Variants in DACH1 observed in about 807,000 individuals in gnomAD.
The protein encoded by DACH1 is dachshund family transcription factor 1.
DACH1 carries 12 observed loss-of-function variants against 54.2 expected under a neutral mutation model. The observed-to-expected ratio is 0.22, with a 90% CI of 0.14 to 0.36. DACH1 has a LOEUF of 0.36. Ranked by LOEUF, DACH1 falls within the 10% of genes least tolerant of loss-of-function variation. DACH1 has a pLI of 1.00. For missense variants in DACH1, 805 were observed against 929.8 expected (o/e 0.87, Z 1.75); for synonymous variants, 386 against 366.2 (o/e 1.05, Z -0.62).
chr13:71,568,694 T>C lies in DACH1; in HGVS notation c.1299+4146A>G, dbSNP rs1031909256. On this transcript the variant is annotated intron_variant, in intron 4 of 10. Transcript: ENST00000613252. ...TAGGCATCCTACAAAAGCTTAGATA[T>C]ATGAAAATGAATAAGAAGGATGTGG... 3.9e-5 allele frequency among the ~76,000 whole-genome samples: 6 copies of C among 152,164 alleles called. No individual in the cohort carries two copies. In the East Asian group the frequency reaches 9.7e-4, roughly 24 times the overall value.
intron 1 of DACH1, among the ~76,000 whole-genome samples, chr13:71,767,365 G>A (rs1885681481): frequency 6.6e-6 from 1 of 151,738 alleles, no homozygotes; most frequent in Non-Finnish European, 1.5e-5. Flanking sequence ...ATTTGGTGGG[G>A]GAATAAAATA....
intron 1 of DACH1, among the ~76,000 whole-genome samples, chr13:71,705,868 C>T (rs1281825062): frequency 6.6e-6 from 1 of 151,752 alleles, no homozygotes; most frequent in Non-Finnish European, 1.5e-5. Context: ...TGTAAGTGTG[C>T]TTCTCTATTC....
intron 6 of DACH1, among the ~76,000 whole-genome samples, chr13:71,522,347 A>G (rs1366844843): frequency 3.9e-5 from 6 of 151,992 alleles, no homozygotes; most frequent in African/African-American, 7.2e-5. Context: ...CTTGTGGATT[A>G]TAAATCAAAA....
At chr13:71,795,522 C>T (rs777828301) in intron 1 of DACH1, among the ~76,000 whole-genome samples, 3 of 152,250 alleles carry the variant, frequency 2.0e-5, no homozygotes, top group Non-Finnish European at 2.9e-5. Flanking sequence ...TCATTTTACA[C>T]TGAAATCATT....
At chr13:71,448,115 C>T (rs117679444) in intron 10 of DACH1, among the ~76,000 whole-genome samples, 2 of 152,150 alleles carry the variant, frequency 1.3e-5, no homozygotes, top group Non-Finnish European at 2.9e-5. Context: ...AACAGGTCAA[C>T]TATTTGTTCA....
intron 2 of DACH1, among the ~76,000 whole-genome samples, chr13:71,671,564 T>G (rs12584368): frequency 2.8e-4 from 42 of 152,096 alleles, no homozygotes; most frequent in African/African-American, 7.5e-4. Flanking sequence ...GGGAACAAGG[T>G]GGTCTTCCCC....
At chr13:71,599,291 T>C (rs534416388) in intron 3 of DACH1, among the ~76,000 whole-genome samples, 1 of 152,250 alleles carries the variant, frequency 6.6e-6, no homozygotes, top group South Asian at 2.1e-4. Context: ...AAGGCAAGTT[T>C]TAGCTAAATC....
intron 6 of DACH1, among the ~76,000 whole-genome samples, chr13:71,499,666 GT>G (rs1360287528): frequency 6.6e-6 from 1 of 152,088 alleles, no homozygotes; most frequent in Non-Finnish European, 1.5e-5. Context: ...AACAAGGTTA[GT>G]TCTTTCTCGT....
intron 1 of DACH1, among the ~76,000 whole-genome samples, chr13:71,744,218 A>G (rs756472058): frequency 3.3e-5 from 5 of 152,234 alleles, no homozygotes; most frequent in Non-Finnish European, 7.3e-5. Context: ...TGACTACCTC[A>G]TAACATATTG....
chr13:71,692,552 C>CTCT (rs1413949608), intron 1 of DACH1, among the ~76,000 whole-genome samples: 1 of 95,836 alleles, frequency 1.0e-5, no homozygotes, highest in Admixed American at 1.7e-4. Flanking sequence ...CGGAGTCTTG[C>CTCT]TCTGTCACCA....
At position 71,519,100 on chromosome 13, in the gene DACH1, A is replaced by G. The variant is rs537222309; in HGVS notation, c.1571-29952T>C. Among the ~76,000 whole-genome samples the G allele has an allele frequency of 7.5e-4, 114 of 151,876 alleles. 1 individual carries two copies. Among genetic ancestry groups the G allele is most frequent in the African/African-American group, 2.6e-3 (106 of 41,496 alleles). ...GTCCAATAATCCCAAAATATTTACT[A>G]TCTCTCCCTTTATAGAAAAAAATTG... is the stretch of plus-strand genomic sequence containing the variant. On this transcript the variant is annotated intron_variant, in intron 6 of 10. Coordinates refer to ENST00000613252, the MANE Select transcript of DACH1 (RefSeq NM_080759.6).
intron 1 of DACH1, among the ~76,000 whole-genome samples, chr13:71,853,349 T>A (rs985635639): frequency 6.6e-6 from 1 of 152,210 alleles, no homozygotes; most frequent in African/African-American, 2.4e-5. Context: ...TTTACTTTAA[T>A]GCATTGTTAT....
At chr13:71,697,586 G>A (rs1480054749) in intron 1 of DACH1, among the ~76,000 whole-genome samples, 1 of 152,118 alleles carries the variant, frequency 6.6e-6, no homozygotes, top group African/African-American at 2.4e-5. Flanking sequence ...GCCCAAATAT[G>A]TAAATTTTTA....
intron 2 of DACH1, among the ~76,000 whole-genome samples, chr13:71,680,266 G>A (rs1880819522): frequency 6.6e-6 from 1 of 152,072 alleles, no homozygotes; most frequent in South Asian, 2.1e-4. Flanking sequence ...CATGAAATTA[G>A]TATAAAAATA....
At chr13:71,634,097 C>G (rs565384085) in intron 2 of DACH1, among the ~76,000 whole-genome samples, 1 of 151,770 alleles carries the variant, frequency 6.6e-6, no homozygotes, top group African/African-American at 2.4e-5. Context: ...CTCAGCCTCC[C>G]GAGTAGCTGG....
At chr13:71,480,540 G>C (rs1325218868) in intron 7 of DACH1, among the ~76,000 whole-genome samples, 1 of 152,018 alleles carries the variant, frequency 6.6e-6, no homozygotes, top group African/African-American at 2.4e-5. Context: ...GTAAAAATTA[G>C]AGCTAAAACT....
At position 71,779,265 on chromosome 13, in the gene DACH1, G is replaced by GTA. The variant is rs201006217; in HGVS notation, c.848+86655_848+86656dup. Among the ~76,000 whole-genome samples the GTA allele has an allele frequency of 3.2e-3, 185 of 58,686 alleles. 7 individuals are homozygous for GTA. Among genetic ancestry groups the GTA allele is most frequent in the Middle Eastern group, 0.018 (2 of 112 alleles). 38.5% of individuals were successfully genotyped at this position (58,686 alleles called of 152,430 possible). A position where few individuals can be genotyped will look rare whatever the true frequency, so the allele number is the denominator to read the frequency against. On this transcript the variant is annotated intron_variant, in intron 1 of 10. Transcript: ENST00000613252. The stretch of plus-strand genomic sequence containing the variant: ...TATATACGTATATACGTATATATGT[G>GTA]TATATATACGTATATACGTATATAT...
chr13:71,502,612 G>A (rs1401748977), intron 6 of DACH1, among the ~76,000 whole-genome samples: 3 of 152,160 alleles, frequency 2.0e-5, no homozygotes, highest in Non-Finnish European at 4.4e-5. Context: ...CATTTCAGAA[G>A]GAGCAAGTCT....
chr13:71,636,988 A>G (rs1007915765), intron 2 of DACH1, among the ~76,000 whole-genome samples: 1 of 152,052 alleles, frequency 6.6e-6, no homozygotes, highest in Admixed American at 6.6e-5. Context: ...TTTTACTTTT[A>G]TTCTCACTTT....
Sources: allele counts gnomAD v4.1 joint callset (sites outside exome capture counted in the v4.1 genomes callset), GRCh38; gene constraint gnomAD v4.1.1; transcripts MANE v1.5; gene names NCBI Gene and HGNC (gene_info 2026-07-23, HGNC 2026-07-21).